The following ELK3 variants were observed in gnomAD, a reference collection of about 807,000 sequenced individuals.
The protein encoded by ELK3 is ETS domain-containing protein Elk-3.
ELK3 carries 10 observed loss-of-function variants against 28.9 expected under a neutral mutation model. The observed-to-expected ratio is 0.35, with a 90% CI of 0.21 to 0.59. ELK3 has a LOEUF of 0.59. Among genes scored for constraint, ELK3 ranks in the 20% least tolerant of loss-of-function variants. ELK3 has a pLI of 0.82. For synonymous variants in ELK3, 272 were observed against 243.5 expected, an observed-to-expected ratio of 1.12 and a Z score of -1.09; for missense variants, 463 against 517.3, an observed-to-expected ratio of 0.90 and a Z score of 1.02.
At chr12:96,208,297 C>T (rs575539158) in intron 1 of ELK3, among the ~76,000 whole-genome samples, 1 of 152,338 alleles carries the variant, frequency 6.6e-6, no homozygotes, top group East Asian at 1.9e-4. Flanking sequence ...GGTGATCCAC[C>T]CACCCCGGCC....
At chr12:96,216,152 C>G (rs1467481899) in intron 1 of ELK3, among the ~76,000 whole-genome samples, 1 of 152,190 alleles carries the variant, frequency 6.6e-6, no homozygotes, top group Non-Finnish European at 1.5e-5. Context: ...GCGGTGTTGT[C>G]ATCATTGTCC....
intron 1 of ELK3, among the ~76,000 whole-genome samples, chr12:96,215,054 T>A (rs1159617209): frequency 1.3e-5 from 2 of 152,108 alleles, no homozygotes; most frequent in Non-Finnish European, 2.9e-5. Context: ...GAGCACCTAT[T>A]TTGTTTATTC....
intron 2 of ELK3, among the ~76,000 whole-genome samples, chr12:96,237,471 C>G (rs1292881543): frequency 6.6e-6 from 1 of 152,214 alleles, no homozygotes; most frequent in Non-Finnish European, 1.5e-5. Context: ...TCACTGTCCC[C>G]TCTGCTTCAA....
chr12:96,235,896 T>C (rs1951779371), intron 2 of ELK3, among the ~76,000 whole-genome samples: 1 of 152,150 alleles, frequency 6.6e-6, no homozygotes, highest in Admixed American at 6.5e-5. Flanking sequence ...GGTGAGATTT[T>C]AGTTCACTGC....
intron 2 of ELK3, among the ~76,000 whole-genome samples, chr12:96,243,713 G>A (rs928020509): frequency 7.2e-5 from 11 of 152,034 alleles, no homozygotes; most frequent in Non-Finnish European, 1.5e-4. Context: ...GCATGGTGGC[G>A]GGCGCCTGTA....
At chr12:96,196,848 A>T (rs932480720) in intron 1 of ELK3, among the ~76,000 whole-genome samples, 7 of 148,674 alleles carry the variant, frequency 4.7e-5, no homozygotes, top group Non-Finnish European at 1.0e-4. Flanking sequence ...GGGCCCCTTT[A>T]TTGACAAAGA....
Position 96,247,435 on chromosome 12 carries a change from T to C in ELK3, c.703T>C (p.Ser235Pro). The change falls in exon 3 of 5, where the codon TCC becomes CCC. Residue 235 changes from serine to proline, a missense_variant. This residue lies in a region of ELK3 where 408 missense variants were observed against 414.8 expected (regional missense o/e 0.98). Coordinates refer to ENST00000228741, the MANE Select transcript of ELK3 (RefSeq NM_005230.4). The surrounding 1 kb of genome is among the most constrained non-coding windows in gnomAD (Gnocchi z 5.5). ...LMLPNAASIS[S>P]ASPFSSRSPS... ...GTTGCCAAACGCTGCCAGTATTTCA[T>C]CCGCCTCACCCTTCTCATCTCGGTC... 2 of 1,614,088 alleles carry C rather than the reference T, an allele frequency of 1.2e-6. No individual in the cohort carries two copies. The highest frequency in any genetic ancestry group is 8.5e-7 in the Non-Finnish European group (1 of 1,180,028).
At chr12:96,205,885 T>C (rs1951535426) in intron 1 of ELK3, among the ~76,000 whole-genome samples, 2 of 152,236 alleles carry the variant, frequency 1.3e-5, no homozygotes, top group South Asian at 2.1e-4. Context: ...TTCACCCCTT[T>C]AGTTGCTGTA....
chr12:96,249,437 T>C (rs1951885988), intron 3 of ELK3, among the ~76,000 whole-genome samples: 1 of 152,172 alleles, frequency 6.6e-6, no homozygotes, highest in African/African-American at 2.4e-5. Context: ...TGAGCACGTG[T>C]GCTCTTAAAT....
chr12:96,238,760 G>C (rs1047503461), intron 2 of ELK3, among the ~76,000 whole-genome samples: 1 of 152,184 alleles, frequency 6.6e-6, no homozygotes, highest in Middle Eastern at 3.2e-3. Flanking sequence ...CCTTACGGAA[G>C]ATTGGTCTCT....
chr12:96,209,254 T>G (rs1030026287), intron 1 of ELK3, among the ~76,000 whole-genome samples: 2 of 151,330 alleles, frequency 1.3e-5, no homozygotes, highest in South Asian at 4.2e-4. Flanking sequence ...TTATCTTGCT[T>G]TTTTTTTTGT....
chr12:96,206,053 G>GGT (rs1951536304), intron 1 of ELK3, among the ~76,000 whole-genome samples: 1 of 152,118 alleles, frequency 6.6e-6, no homozygotes, highest in Non-Finnish European at 1.5e-5. Context: ...AAGGATTGGG[G>GGT]GTCACGGCTC....
intron 2 of ELK3, among the ~76,000 whole-genome samples, chr12:96,224,981 C>T (rs1379929956): frequency 1.3e-5 from 2 of 152,170 alleles, no homozygotes; most frequent in African/African-American, 2.4e-5. Context: ...CGTAATTGCA[C>T]GTGATTGTGT....
At chr12:96,227,336 T>C (rs1022623054) in intron 2 of ELK3, among the ~76,000 whole-genome samples, 2 of 152,160 alleles carry the variant, frequency 1.3e-5, no homozygotes, top group African/African-American at 4.8e-5. Flanking sequence ...TGCGTCCTTT[T>C]TCCCATCATC....
chr12:96,249,248 T>C (rs1418088202), intron 3 of ELK3, among the ~76,000 whole-genome samples: 2 of 152,164 alleles, frequency 1.3e-5, no homozygotes, highest in East Asian at 3.9e-4. Context: ...GAAGGCAGTG[T>C]CCCTGATCAC....
intron 1 of ELK3, among the ~76,000 whole-genome samples, chr12:96,206,308 C>G (rs928312049): frequency 6.6e-6 from 1 of 151,836 alleles, no homozygotes; most frequent in East Asian, 1.9e-4. Context: ...CTTTCTCTTT[C>G]CCTTTTATTT....
intron 1 of ELK3, among the ~76,000 whole-genome samples, chr12:96,214,754 C>G (rs1339124173): frequency 6.6e-6 from 1 of 151,776 alleles, no homozygotes; most frequent in East Asian, 1.9e-4. Flanking sequence ...AAATATTATC[C>G]TTATTTACTT....
chr12:96,220,066 C>G (rs1951651577), intron 1 of ELK3, among the ~76,000 whole-genome samples: 1 of 152,188 alleles, frequency 6.6e-6, no homozygotes, highest in Admixed American at 6.5e-5. Flanking sequence ...CACCCAAGCT[C>G]TGCAGCTTGG....
chr12:96,210,336 T>C (rs1023063936), intron 1 of ELK3, among the ~76,000 whole-genome samples: 10 of 152,268 alleles, frequency 6.6e-5, no homozygotes, highest in African/African-American at 2.4e-4. Context: ...GTGTTTCTTT[T>C]TAAAGGAAAG....
Sources: allele counts gnomAD v4.1 joint callset (sites outside exome capture counted in the v4.1 genomes callset), GRCh38; gene constraint gnomAD v4.1.1; regional missense constraint gnomAD v4.1.1; non-coding constraint Gnocchi (gnomAD v3.1); transcripts MANE v1.5; gene names NCBI Gene and HGNC (gene_info 2026-07-23, HGNC 2026-07-21).